The following TAC1 variants were observed in gnomAD, a reference collection of about 807,000 sequenced individuals.
The protein encoded by TAC1 is protachykinin-1.
TAC1 carries 12 observed loss-of-function variants against 21.7 expected under a neutral mutation model. That is an observed-to-expected ratio of 0.55 (90% CI 0.35 to 0.89). The LOEUF (loss-of-function observed/expected upper bound fraction) is 0.89. TAC1 is among the 40% of genes least tolerant of loss of function. The pLI is 0.01. For synonymous variants in TAC1, 52 were observed against 52.0 expected (o/e 1.00, Z 0.00); for missense variants, 128 against 151.4 (o/e 0.85, Z 0.81).
chr7:97,738,131 G>A (rs112009109), intron 6 of TAC1, among the ~76,000 whole-genome samples: 11 of 152,070 alleles, frequency 7.2e-5, no homozygotes, highest in African/African-American at 2.6e-4. Context: ...TAGGTGAAAT[G>A]TGGAAAAAAA....
intron 4 of TAC1, 35 bp from the exon 5 acceptor site, chr7:97,734,788 AAAT>A (rs1789544973): frequency 6.6e-7 from 1 of 1,524,284 alleles, no homozygotes; most frequent in East Asian, 2.3e-5. Context: ...CTTTAAAAAC[AAAT>A]CTATATGTGT....
intron 2 of TAC1, chr7:97,733,126 G>A: frequency 5.3e-6 from 1 of 189,980 alleles, no homozygotes; most frequent in Non-Finnish European, 1.1e-5. Context: ...GTCGCGGGCA[G>A]CAGCGGGCAC....
At chr7:97,733,985 G>T (rs1179147508) in intron 3 of TAC1, 166 bp downstream of exon 3, 5 of 727,370 alleles carry the variant, frequency 6.9e-6, no homozygotes, top group Non-Finnish European at 1.1e-5. Flanking sequence ...GCACGCACGG[G>T]CCCGCGGGGG....
In TAC1 at chr7:97,732,868, G is replaced by A; in HGVS notation, c.123+133G>A. ...AAAGAGGCAGCGGTTGCGTGCGAGA[G>A]GATGGAAAGGGGCACTATTTCCCGG... On this transcript the variant is annotated intron_variant, in intron 2 of 6. Transcript: ENST00000319273. This position sits in a 1 kb window ranked among gnomAD's most constrained non-coding sequence, Gnocchi z 6.2. 11 of 1,169,682 alleles carry A rather than the reference G, an allele frequency of 9.4e-6. No individual in the cohort carries two copies. The highest frequency in any genetic ancestry group is 1.2e-5 in the Non-Finnish European group (10 of 846,054). 72.5% of individuals were successfully genotyped at this position (1,169,682 alleles called of 1,614,324 possible). A position where few individuals can be genotyped will look rare whatever the true frequency, so the allele number is the denominator to read the frequency against.
At position 97,732,969 on chromosome 7, in the gene TAC1, C is replaced by CA; in HGVS notation, c.123+235dup. 2.0e-6 allele frequency: 1 copy of CA among 497,664 alleles called. No individual in the cohort carries two copies. Among genetic ancestry groups the CA allele is most frequent in the Non-Finnish European group, 3.6e-6 (1 of 281,392 alleles). The allele number at this position is 497,664 out of a possible 1,614,324, so 30.8% of individuals were successfully genotyped here. A position where few individuals can be genotyped will look rare whatever the true frequency, so the allele number is the denominator to read the frequency against. ...CACCGTCCGGCCCAGGAACTCCCTGCAGTAGGGATGCCCTCCCGGATGAGC... is the reference window on the plus strand; with the variant it reads ...CACCGTCCGGCCCAGGAACTCCCTGCAAGTAGGGATGCCCTCCCGGATGAGC... On this transcript the variant is annotated intron_variant, in intron 2 of 6. Transcript: ENST00000319273. The surrounding 1 kb of genome is among the most constrained non-coding windows in gnomAD (Gnocchi z 6.2).
At chr7:97,738,675 G>A (rs1200363133) in intron 6 of TAC1, among the ~76,000 whole-genome samples, 1 of 151,966 alleles carries the variant, frequency 6.6e-6, no homozygotes, top group Admixed American at 6.6e-5. Flanking sequence ...GGGTGTTTAA[G>A]ACCAGTATTA....
intron 4 of TAC1, among the ~76,000 whole-genome samples, 195 bp downstream of exon 4, chr7:97,734,487 G>GTC (rs919311885): frequency 1.3e-4 from 19 of 149,680 alleles, no homozygotes; most frequent in South Asian, 4.3e-4. Context: ...CTCTCTCTCA[G>GTC]TCTCTCTCTC....
Position 97,732,635 on chromosome 7 carries a change from C to T in TAC1, c.23C>T (p.Ala8Val). The T allele has an allele frequency of 1.2e-6, 2 of 1,614,092 alleles. No individual in the cohort carries two copies. The highest frequency in any genetic ancestry group is 2.2e-5 in the East Asian group (1 of 44,872). The change falls in exon 2 of 7, where the codon GCA (alanine) becomes GTA (valine). Residue 8 changes from alanine to valine, a missense_variant. Transcript: ENST00000319273. This position sits in a 1 kb window ranked among gnomAD's most constrained non-coding sequence, Gnocchi z 6.2. MKILVAL[A>V]VFFLVSTQLF... ...AACATGAAAATCCTCGTGGCCTTGG[C>T]AGTCTTTTTTCTTGTCTCCACTCAG...
chr7:97,740,048 G>T lies in TAC1; in HGVS notation c.*128G>T. ...TTGTTTGGGGTTGAAAATTCAAAAA[G>T]TGTTTATTTTTCATATTGTGCCAAT... On this transcript the variant is annotated 3_prime_UTR_variant, in exon 7 of 7. Transcript: ENST00000319273. 1 of 657,460 alleles carries T rather than the reference G, an allele frequency of 1.5e-6. No homozygotes were observed. Among genetic ancestry groups the T allele is most frequent in the Non-Finnish European group, 2.4e-6 (1 of 416,296 alleles). 40.7% of individuals were successfully genotyped at this position (657,460 alleles called of 1,614,324 possible).
rs763718229 is a variant in TAC1 at position 97,734,284 on chromosome 7, C to T, written c.257C>T (p.Ala86Val). 6 of 1,613,464 alleles carry T rather than the reference C, an allele frequency of 3.7e-6. No homozygotes were observed. Among genetic ancestry groups the T allele is most frequent in the Non-Finnish European group, 5.1e-6 (6 of 1,179,472 alleles). ...SIEKQVALLKALYGHGQISHK... is the reference protein window; with the variant it reads ...SIEKQVALLKVLYGHGQISHK... ...GAAAAACAAGTGGCCCTGTTAAAGGCTCTTTATGGTAAACATTCCTATAAA... is the reference window on the plus strand; with the variant it reads ...GAAAAACAAGTGGCCCTGTTAAAGGTTCTTTATGGTAAACATTCCTATAAA... The change falls in exon 4 of 7, where the codon GCT becomes GTT. Residue 86 changes from alanine (A) to valine (V), a missense_variant. Transcript: ENST00000319273.
intron 3 of TAC1, 154 bp from the exon 4 acceptor site, chr7:97,734,094 G>A: frequency 7.9e-6 from 6 of 755,244 alleles, no homozygotes; most frequent in Non-Finnish European, 1.1e-5. Flanking sequence ...GCCTCCAGGG[G>A]TAGTACTGCG....
intron 6 of TAC1, among the ~76,000 whole-genome samples, chr7:97,737,742 T>C (rs1789609372): frequency 1.3e-5 from 2 of 152,014 alleles, no homozygotes. Context: ...TGTAAAAGTG[T>C]AAGAAATTAT....
rs752304994 is a variant in TAC1 at position 97,733,719 on chromosome 7, C to T, written c.124-4C>T. ...CGCCCTTTGTCCGTGCTTTTGTCTC[C>T]CAGGAGGAACTGCCGGAGCCCTTTG... On this transcript the variant is annotated splice_polypyrimidine_tract_variant and splice_region_variant and intron_variant, in intron 2 of 6. Transcript: ENST00000319273. 1 of 1,613,836 alleles carries T rather than the reference C, an allele frequency of 6.2e-7. No individual in the cohort carries two copies. Among genetic ancestry groups the T allele is most frequent in the South Asian group, 1.1e-5 (1 of 91,070 alleles).
rs369746373 is a variant in TAC1, at chr7:97,737,019, C to T, written c.343+667C>T. 5.9e-5 allele frequency among the ~76,000 whole-genome samples: 9 copies of T among 152,074 alleles called. No individual in the cohort carries two copies. The East Asian group carries it at 9.7e-4, about 16-fold the overall frequency. ...TCATTTTAATTCTGAACAACTTTTT[C>T]GTATGATATAAAGGCTGCAGGTTTC... On this transcript the variant is annotated intron_variant, in intron 6 of 6. Transcript: ENST00000319273.
chr7:97,735,399 C>A (rs566012149), intron 5 of TAC1, among the ~76,000 whole-genome samples: 1 of 152,156 alleles, frequency 6.6e-6, no homozygotes, highest in Non-Finnish European at 1.5e-5. Context: ...TGGGAAAACT[C>A]GATCAGTAAA....
Position 97,733,831 on chromosome 7 carries a change from G to A in TAC1, c.220+12G>A. On this transcript the variant is annotated intron_variant, in intron 3 of 6. Coordinates refer to ENST00000319273, the MANE Select transcript of TAC1 (RefSeq NM_003182.3). Reference sequence around the variant, plus strand: ...CAAACGGGATGCTGGTGAGATAGGCGACCGTCCCTAGGTGTCTTGGGCAGC... The same window carrying A: ...CAAACGGGATGCTGGTGAGATAGGCAACCGTCCCTAGGTGTCTTGGGCAGC... The A allele has an allele frequency of 6.2e-7, 1 of 1,613,742 alleles. No individual in the cohort carries two copies. Among genetic ancestry groups the A allele is most frequent in the Non-Finnish European group, 8.5e-7 (1 of 1,179,680 alleles).
At position 97,733,589 on chromosome 7, in the gene TAC1, C is replaced by T. The variant is rs1789485929; in HGVS notation, c.124-134C>T. 5.3e-6 allele frequency: 4 copies of T among 757,396 alleles called. No homozygotes were observed. The East Asian group carries it at 8.4e-5, about 16-fold the overall frequency. The allele number at this position is 757,396 out of a possible 1,614,324, so 46.9% of individuals were successfully genotyped here. A position where few individuals can be genotyped will look rare whatever the true frequency, so the allele number is the denominator to read the frequency against. On this transcript the variant is annotated intron_variant, in intron 2 of 6. Coordinates refer to ENST00000319273, the MANE Select transcript of TAC1 (RefSeq NM_003182.3). Reference sequence around the variant, plus strand: ...AGAGGCAGCGCCTCGGGAGGGACCCCGCTCAGCCCGAGCGTGGGGAAGGCC... The same window carrying T: ...AGAGGCAGCGCCTCGGGAGGGACCCTGCTCAGCCCGAGCGTGGGGAAGGCC...
At chr7:97,734,493 C>G (rs1562784417) in intron 4 of TAC1, among the ~76,000 whole-genome samples, 2 of 151,686 alleles carry the variant, frequency 1.3e-5, no homozygotes, top group African/African-American at 4.8e-5. Flanking sequence ...CTCAGTCTCT[C>G]TCTCTCTCTT....
Position 97,732,201 on chromosome 7 carries a change from T to G in TAC1, c.-10+6T>G, listed in dbSNP as rs1057323115. The stretch of plus-strand genomic sequence containing the variant: ...CCGCGGGACTGTCCGTCGCAGTAAG[T>G]GCCCGCGCGGTGCTGGCCGCGGCTG... On this transcript the variant is annotated splice_donor_region_variant and intron_variant, in intron 1 of 6. Coordinates refer to ENST00000319273, the MANE Select transcript of TAC1 (RefSeq NM_003182.3). This position sits in a 1 kb window ranked among gnomAD's most constrained non-coding sequence, Gnocchi z 6.2. 2 of 157,882 alleles carry G rather than the reference T, an allele frequency of 1.3e-5. No individual in the cohort carries two copies. Among genetic ancestry groups the G allele is most frequent in the African/African-American group, 4.8e-5 (2 of 41,478 alleles). 9.8% of individuals were successfully genotyped at this position (157,882 alleles called of 1,614,324 possible). A position where few individuals can be genotyped will look rare whatever the true frequency, so the allele number is the denominator to read the frequency against.
Sources: allele counts gnomAD v4.1 joint callset (sites outside exome capture counted in the v4.1 genomes callset), GRCh38; gene constraint gnomAD v4.1.1; non-coding constraint Gnocchi (gnomAD v3.1); transcripts MANE v1.5; gene names NCBI Gene and HGNC (gene_info 2026-07-23, HGNC 2026-07-21).